RFTN2: variants seen among roughly 807,000 people sequenced by gnomAD.
RFTN2 encodes raftlin family member 2.
A neutral mutation model predicts 52.7 loss-of-function variants in RFTN2; 34 were observed. The ratio of observed to expected loss-of-function variants is 0.64; its 90% CI spans 0.49 to 0.86. RFTN2 has a LOEUF of 0.86. RFTN2 is among the 40% of genes least tolerant of loss of function. The pLI, the probability that RFTN2 is intolerant of heterozygous loss-of-function variation, is 0.00. For synonymous variants in RFTN2, 203 were observed against 217.7 expected (o/e 0.93, Z 0.59); for missense variants, 536 against 600.1 (o/e 0.89, Z 1.12).
At chr2:197,635,229 T>C (rs919484234) in intron 3 of RFTN2, among the ~76,000 whole-genome samples, 23 of 152,272 alleles carry the variant, frequency 1.5e-4, no homozygotes, top group Non-Finnish European at 2.8e-4. Flanking sequence ...CAGCATGATT[T>C]ATAGTCCTTT....
intron 8 of RFTN2, among the ~76,000 whole-genome samples, chr2:197,590,789 C>G (rs754389781): frequency 1.3e-5 from 2 of 152,082 alleles, no homozygotes; most frequent in African/African-American, 2.4e-5. Flanking sequence ...TCGTTCCTCC[C>G]GGTGGGTTCG....
In RFTN2 at chr2:197,617,856, C is replaced by T; in HGVS notation, c.994G>A (p.Gly332Ser). 6.2e-7 allele frequency: 1 copy of T among 1,609,392 alleles called. No homozygotes were observed. The highest frequency in any genetic ancestry group is 8.5e-7 in the Non-Finnish European group (1 of 1,176,726). Residue 332 changes from glycine (G) to serine (S), a missense_variant, in exon 6 of 9, where the codon GGT becomes AGT. Physicochemically the swap from Gly to Ser is moderately conservative, Grantham distance 56. Coordinates refer to ENST00000295049, the MANE Select transcript of RFTN2 (RefSeq NM_144629.3). ...GCATCATTTCCTTTCCTACTAGAAC[C>T]TGGAACTCCAGAACCTTCTTCTTCA... ...IYEEEGSGVP[G>S]SSRKGNDAIV...
chr2:197,645,929 G>A (rs1314620073), intron 2 of RFTN2, among the ~76,000 whole-genome samples: 4 of 152,164 alleles, frequency 2.6e-5, no homozygotes, highest in Non-Finnish European at 5.9e-5. Context: ...GGGAGGCTGA[G>A]GCAGAAGAAT....
At chr2:197,605,148 T>C (rs2087938677) in intron 7 of RFTN2, among the ~76,000 whole-genome samples, 1 of 152,206 alleles carries the variant, frequency 6.6e-6, no homozygotes, top group African/African-American at 2.4e-5. Context: ...AGAATAGTTG[T>C]AGATTTATAC....
chr2:197,574,694 C>A (rs898712739), intron 8 of RFTN2, among the ~76,000 whole-genome samples: 2 of 152,048 alleles, frequency 1.3e-5, no homozygotes, highest in African/African-American at 4.8e-5. Flanking sequence ...ATGGTGAAAC[C>A]TCATCTCTAC....
At chr2:197,674,353 A>AAG (rs1312899686) in intron 1 of RFTN2, among the ~76,000 whole-genome samples, 1 of 150,016 alleles carries the variant, frequency 6.7e-6, no homozygotes, top group Non-Finnish European at 1.5e-5. Context: ...AAAAAAAAAA[A>AAG]AAAAAAAAAA....
intron 7 of RFTN2, among the ~76,000 whole-genome samples, chr2:197,614,579 T>C (rs2088112343): frequency 1.3e-5 from 2 of 152,198 alleles, no homozygotes; most frequent in African/African-American, 4.8e-5. Context: ...ACATGCCTAC[T>C]TGGGCTTTGG....
chr2:197,621,115 G>A (rs1185712817), intron 5 of RFTN2, among the ~76,000 whole-genome samples: 1 of 151,982 alleles, frequency 6.6e-6, no homozygotes, highest in Non-Finnish European at 1.5e-5. Context: ...AGTGACCAGT[G>A]GAATCAAATT....
At chr2:197,657,642 C>T (rs531316856) in intron 1 of RFTN2, among the ~76,000 whole-genome samples, 96 of 150,446 alleles carry the variant, frequency 6.4e-4, no homozygotes, top group Non-Finnish European at 1.3e-3. Context: ...TTCTAATTTT[C>T]CTCATTTGTA....
In RFTN2 at chr2:197,640,123, G is replaced by A. The variant is rs1357031336; in HGVS notation, c.438+4035C>T. Among the ~76,000 whole-genome samples, 18 of 152,352 alleles carry A rather than the reference G, an allele frequency of 1.2e-4. No individual in the cohort carries two copies. In the East Asian group the frequency reaches 2.9e-3, roughly 25 times the overall value. On this transcript the variant is annotated intron_variant, in intron 3 of 8. Coordinates refer to ENST00000295049, the MANE Select transcript of RFTN2 (RefSeq NM_144629.3). ...TCAGATCTCCAGCTGCGTGCTGGGAGAACCACTGCTCTCTTCAAAGCTGTC... is the reference window on the plus strand; with the variant it reads ...TCAGATCTCCAGCTGCGTGCTGGGAAAACCACTGCTCTCTTCAAAGCTGTC...
chr2:197,634,097 G>T, intron 3 of RFTN2, 100 bp from the exon 4 acceptor site: 1 of 1,004,844 alleles, frequency 1.0e-6, no homozygotes, highest in Non-Finnish European at 1.4e-6. Context: ...TCCACTAGAA[G>T]ATGGAGTAAC....
intron 5 of RFTN2, among the ~76,000 whole-genome samples, chr2:197,624,698 A>C (rs1426438552): frequency 6.7e-6 from 1 of 149,160 alleles, no homozygotes; most frequent in Non-Finnish European, 1.5e-5. Flanking sequence ...GCAGTAGCTC[A>C]TGCTGTAATC....
At chr2:197,625,697 T>TCCTCC (rs2088344760) in intron 5 of RFTN2, among the ~76,000 whole-genome samples, 1 of 123,124 alleles carries the variant, frequency 8.1e-6, no homozygotes, top group African/African-American at 3.2e-5. Context: ...TCCTCTCCTC[T>TCCTCC]CCTCTCCTCT....
intron 7 of RFTN2, among the ~76,000 whole-genome samples, chr2:197,599,388 C>A (rs1455476377): frequency 1.3e-5 from 2 of 152,104 alleles, no homozygotes; most frequent in East Asian, 3.8e-4. Flanking sequence ...AAAATATAAA[C>A]GAATTTGGAA....
chr2:197,624,936 G>A (rs1468785102), intron 5 of RFTN2, among the ~76,000 whole-genome samples: 7 of 152,132 alleles, frequency 4.6e-5, no homozygotes, highest in African/African-American at 9.7e-5. Context: ...GTGACAGGGC[G>A]AGACTCTATC....
chr2:197,662,257 T>C (rs2088987129), intron 1 of RFTN2, among the ~76,000 whole-genome samples: 1 of 152,184 alleles, frequency 6.6e-6, no homozygotes, highest in South Asian at 2.1e-4. Flanking sequence ...AGTTTTATAG[T>C]TTTGGGTCTT....
chr2:197,635,107 G>A (rs1260098974), intron 3 of RFTN2, among the ~76,000 whole-genome samples: 1 of 151,988 alleles, frequency 6.6e-6, no homozygotes, highest in African/African-American at 2.4e-5. Flanking sequence ...TGGTGTATAT[G>A]TGCCACATTT....
chr2:197,588,215 T>C (rs1346737050), intron 8 of RFTN2, among the ~76,000 whole-genome samples: 1 of 152,210 alleles, frequency 6.6e-6, no homozygotes, highest in Non-Finnish European at 1.5e-5. Context: ...TATTTTTTTC[T>C]CTCTCTACAT....
At chr2:197,637,877 G>C (rs2088595304) in intron 3 of RFTN2, among the ~76,000 whole-genome samples, 2 of 152,068 alleles carry the variant, frequency 1.3e-5, no homozygotes, top group Admixed American at 6.5e-5. Flanking sequence ...TGGGCATTTA[G>C]TGCTGTAAAT....
Sources: allele counts gnomAD v4.1 joint callset (sites outside exome capture counted in the v4.1 genomes callset), GRCh38; gene constraint gnomAD v4.1.1; transcripts MANE v1.5; gene names NCBI Gene and HGNC (gene_info 2026-07-23, HGNC 2026-07-21).